The following PRKG1 variants were observed in gnomAD, a reference collection of about 807,000 sequenced individuals.
The protein encoded by PRKG1 is protein kinase cGMP-dependent 1.
PRKG1 carries 35 observed loss-of-function variants against 88.1 expected under a neutral mutation model. The ratio of observed to expected loss-of-function variants is 0.40; its 90% confidence interval spans 0.30 to 0.53. PRKG1 has a LOEUF of 0.53. Ranked by LOEUF, PRKG1 falls within the 20% of genes least tolerant of loss-of-function variation. The pLI is 0.59. For missense variants in PRKG1, 540 were observed against 839.8 expected, an observed-to-expected ratio of 0.64 and a Z score of 4.41; for synonymous variants, 303 against 292.5, an observed-to-expected ratio of 1.04 and a Z score of -0.37.
chr10:51,439,958 T>A (rs1839053542), intron 2 of PRKG1, among the ~76,000 whole-genome samples: 1 of 151,914 alleles, frequency 6.6e-6, no homozygotes, highest in Non-Finnish European at 1.5e-5. Context: ...AGATTTGAGT[T>A]CCACAACAAT....
intron 9 of PRKG1, among the ~76,000 whole-genome samples, chr10:52,215,953 T>C (rs1440040016): frequency 6.6e-6 from 1 of 152,174 alleles, no homozygotes; most frequent in Non-Finnish European, 1.5e-5. Flanking sequence ...AGTGGCCATC[T>C]GGAGAATATA....
intron 3 of PRKG1, among the ~76,000 whole-genome samples, chr10:51,767,464 T>C (rs998744658): frequency 2.0e-5 from 3 of 152,216 alleles, no homozygotes; most frequent in Non-Finnish European, 2.9e-5. Context: ...TACATTTCAG[T>C]AGACTTTTTA....
At position 51,059,800 on chromosome 10, in the gene PRKG1, G is replaced by A. The variant is rs185996503; in HGVS notation, c.266+68156G>A. 7.2e-4 allele frequency among the ~76,000 whole-genome samples: 110 copies of A among 152,042 alleles called. No homozygotes were observed. In the East Asian group the frequency reaches 0.016, roughly 22 times the overall value. ...TATGTGTTTTGCAATTTTGAGATGA[G>A]GTGTTCTATGTAGTGTAATTAACTC... is the stretch of plus-strand genomic sequence containing the variant. On this transcript the variant is annotated intron_variant, in intron 1 of 17. Coordinates refer to the PRKG1 transcript ENST00000401604.
chr10:51,928,041 C>A (rs937198006), intron 5 of PRKG1, among the ~76,000 whole-genome samples: 17 of 152,072 alleles, frequency 1.1e-4, no homozygotes, highest in African/African-American at 3.6e-4. Context: ...CACTCTAAAT[C>A]CAGATAGATG....
At chr10:52,164,305 C>T (rs1037971936) in intron 9 of PRKG1, among the ~76,000 whole-genome samples, 1 of 151,794 alleles carries the variant, frequency 6.6e-6, no homozygotes, top group East Asian at 1.9e-4. Flanking sequence ...GAGCCAAGAC[C>T]GCGCCATTAC....
intron 3 of PRKG1, among the ~76,000 whole-genome samples, chr10:51,570,320 A>G (rs1297053772): frequency 6.6e-6 from 1 of 151,908 alleles, no homozygotes; most frequent in Non-Finnish European, 1.5e-5. Context: ...CATATTTTGT[A>G]TGCTCTATGT....
At chr10:52,080,988 G>A (rs1014283234) in intron 7 of PRKG1, among the ~76,000 whole-genome samples, 2 of 152,056 alleles carry the variant, frequency 1.3e-5, no homozygotes, top group Admixed American at 6.5e-5. Flanking sequence ...GGCCTCTGTT[G>A]CAATTGCATC....
intron 2 of PRKG1, among the ~76,000 whole-genome samples, chr10:51,253,264 T>C (rs924735558): frequency 2.6e-5 from 4 of 151,872 alleles, no homozygotes; most frequent in Non-Finnish European, 5.9e-5. Context: ...CACCATTTTT[T>C]GGAAAGGAAG....
intron 3 of PRKG1, among the ~76,000 whole-genome samples, chr10:51,800,752 G>C (rs1309023725): frequency 1.3e-5 from 2 of 152,038 alleles, no homozygotes; most frequent in African/African-American, 4.8e-5. Context: ...CCTATTCCTT[G>C]TTAGGTCCTC....
chr10:51,279,296 T>G (rs1267804214), intron 2 of PRKG1, among the ~76,000 whole-genome samples: 1 of 152,216 alleles, frequency 6.6e-6, no homozygotes, highest in African/African-American at 2.4e-5. Context: ...GAGTTCTAGT[T>G]TGATTGCACT....
intron 5 of PRKG1, among the ~76,000 whole-genome samples, chr10:52,022,486 A>G (rs917496819): frequency 6.6e-6 from 1 of 152,218 alleles, no homozygotes; most frequent in Admixed American, 6.5e-5. Context: ...AACAATTGTT[A>G]TATGACAAAT....
At chr10:51,844,351 A>T (rs1840349981) in intron 4 of PRKG1, among the ~76,000 whole-genome samples, 1 of 152,170 alleles carries the variant, frequency 6.6e-6, no homozygotes, top group Non-Finnish European at 1.5e-5. Context: ...AATAAAAATT[A>T]TACTAGTAAG....
chr10:51,196,967 C>A (rs997914908), intron 2 of PRKG1, among the ~76,000 whole-genome samples: 2 of 152,246 alleles, frequency 1.3e-5, no homozygotes, highest in South Asian at 4.1e-4. Flanking sequence ...AAGTACTCAA[C>A]CTGTCTTGAC....
In PRKG1 at chr10:51,532,379, C is replaced by G. The variant is rs143002015; in HGVS notation, c.592+64543C>G. On this transcript the variant is annotated intron_variant, in intron 3 of 17. Coordinates refer to ENST00000373980, the MANE Select transcript of PRKG1 (RefSeq NM_006258.4). ...TATACAATTTTCCGGTCTGTTTCAGCTATATCATTTGACTTCCCTGAAGTA... is the reference window on the plus strand; with the variant it reads ...TATACAATTTTCCGGTCTGTTTCAGGTATATCATTTGACTTCCCTGAAGTA... Among the ~76,000 whole-genome samples, 401 of 152,320 alleles carry G rather than the reference C, an allele frequency of 2.6e-3. 3 individuals are homozygous for G. Among genetic ancestry groups the G allele is most frequent in the African/African-American group, 8.3e-3 (343 of 41,572 alleles).
intron 7 of PRKG1, among the ~76,000 whole-genome samples, chr10:52,072,344 A>AACAAT (rs1846524133): frequency 6.6e-6 from 1 of 151,934 alleles, no homozygotes; most frequent in Non-Finnish European, 1.5e-5. Flanking sequence ...AACAAAACAA[A>AACAAT]ACAATACAAA....
chr10:51,954,430 A>C (rs1411234113), intron 5 of PRKG1, among the ~76,000 whole-genome samples: 1 of 152,208 alleles, frequency 6.6e-6, no homozygotes, highest in African/African-American at 2.4e-5. Flanking sequence ...TAAAAAAAGA[A>C]ATACAAGTGC....
At chr10:51,015,086 A>G (rs938627431) in intron 1 of PRKG1, among the ~76,000 whole-genome samples, 7 of 152,222 alleles carry the variant, frequency 4.6e-5, no homozygotes, top group Non-Finnish European at 1.0e-4. Context: ...AACCACACCC[A>G]TATTTCTATG....
chr10:51,005,032 A>G (rs1842927262), intron 1 of PRKG1, among the ~76,000 whole-genome samples: 1 of 152,102 alleles, frequency 6.6e-6, no homozygotes, highest in Non-Finnish European at 1.5e-5. Flanking sequence ...TAGGATGGCA[A>G]CCTCGGTAGA....
At chr10:51,517,667 T>G (rs1266041762) in intron 3 of PRKG1, among the ~76,000 whole-genome samples, 1 of 152,226 alleles carries the variant, frequency 6.6e-6, no homozygotes, top group Non-Finnish European at 1.5e-5. Flanking sequence ...TATAGGTCTA[T>G]TTCTATAATT....
Sources: allele counts gnomAD v4.1 joint callset (sites outside exome capture counted in the v4.1 genomes callset), GRCh38; gene constraint gnomAD v4.1.1; transcripts MANE v1.5; gene names NCBI Gene and HGNC (gene_info 2026-07-23, HGNC 2026-07-21).